Variants in SPNS2 observed in about 807,000 individuals in gnomAD.
The protein encoded by SPNS2 is sphingosine-1-phosphate transporter SPNS2.
Under a neutral mutation model 57.6 loss-of-function variants are expected in SPNS2, and 37 were observed. The ratio of observed to expected loss-of-function variants is 0.64; its 90% CI spans 0.49 to 0.85. The LOEUF (loss-of-function observed/expected upper bound fraction) is 0.85. SPNS2 is among the 40% of genes least tolerant of loss of function. The pLI, the probability that SPNS2 is intolerant of heterozygous loss-of-function variation, is 0.00. For synonymous variants in SPNS2, 440 were observed against 346.9 expected (o/e 1.27, Z -2.98); for missense variants, 831 against 779.1 (o/e 1.07, Z -0.79).
chr17:4,515,537 T>A (rs1904962605), intron 2 of SPNS2, among the ~76,000 whole-genome samples: 1 of 152,164 alleles, frequency 6.6e-6, no homozygotes, highest in South Asian at 2.1e-4. Context: ...CCCTCACCTG[T>A]CACCTACCCC....
intron 2 of SPNS2, among the ~76,000 whole-genome samples, chr17:4,519,557 C>T (rs1296697441): frequency 1.8e-5 from 2 of 108,810 alleles, no homozygotes; most frequent in Non-Finnish European, 2.0e-5. Flanking sequence ...GCCCGCTCGG[C>T]CCTGGCTCCC....
intron 2 of SPNS2, among the ~76,000 whole-genome samples, chr17:4,516,333 A>ACAAAC (rs1243287232): frequency 1.2e-4 from 15 of 126,076 alleles, no homozygotes; most frequent in Non-Finnish European, 1.8e-4. Context: ...AAAAAAAAAA[A>ACAAAC]AAAAAAAAAA....
rs907813863 is a variant in SPNS2, at chr17:4,537,565, A to T, written c.*117A>T. 4.4e-6 allele frequency: 2 copies of T among 456,718 alleles called. No individual in the cohort carries two copies. The highest frequency in any genetic ancestry group is 2.3e-5 in the Admixed American group (1 of 42,586). The allele number at this position is 456,718 out of a possible 1,614,324, so 28.3% of individuals were successfully genotyped here. A position where few individuals can be genotyped will look rare whatever the true frequency, so the allele number is the denominator to read the frequency against. ...CTTTCTGTGTGATCCACGGCTAGGC[A>T]CCCACCCTCTCTGGCCCAGGCCTGC... On this transcript the variant is annotated 3_prime_UTR_variant, in exon 13 of 13. Coordinates refer to ENST00000329078, the MANE Select transcript of SPNS2 (RefSeq NM_001124758.3).
intron 2 of SPNS2, among the ~76,000 whole-genome samples, chr17:4,516,169 C>T (rs373312135): frequency 8.9e-4 from 136 of 152,042 alleles, no homozygotes; most frequent in African/African-American, 3.1e-3. Context: ...CAAAAATTAG[C>T]CAGGTGTGGT....
In SPNS2 at chr17:4,538,838, C is replaced by T; in HGVS notation, c.*1390C>T. On this transcript the variant is annotated 3_prime_UTR_variant, in exon 13 of 13. Transcript: ENST00000329078. ...GGCATCCTCCAAAGACCAGCCTCCA[C>T]CCCCACTCCAGCCTCAGCGGGGCCC... The T allele has an allele frequency of 1.3e-6, 1 of 777,856 alleles. No homozygotes were observed. The highest frequency in any genetic ancestry group is 2.4e-6 in the Non-Finnish European group (1 of 416,668). The allele number at this position is 777,856 out of a possible 1,614,324, so 48.2% of individuals were successfully genotyped here. A position where few individuals can be genotyped will look rare whatever the true frequency, so the allele number is the denominator to read the frequency against.
intron 2 of SPNS2, among the ~76,000 whole-genome samples, chr17:4,518,505 A>G (rs1179397715): frequency 6.6e-6 from 1 of 152,262 alleles, no homozygotes; most frequent in Admixed American, 6.5e-5. Flanking sequence ...CCTGGGCGAC[A>G]GAGCGAGACT....
intron 9 of SPNS2, 34 bp from the exon 10 acceptor site, chr17:4,536,042 C>T (rs1412046621): frequency 1.3e-6 from 2 of 1,593,506 alleles, no homozygotes; most frequent in East Asian, 2.2e-5. Context: ...GAGCCTTTCT[C>T]CTCTGGCCGC....
At chr17:4,536,634 A>G in intron 11 of SPNS2, 1 of 705,016 alleles carries the variant, frequency 1.4e-6, no homozygotes, top group East Asian at 2.7e-5. Flanking sequence ...TGGTGGATCC[A>G]GACTTGGGTT....
intron 2 of SPNS2, among the ~76,000 whole-genome samples, chr17:4,519,719 C>T (rs996609945): frequency 6.9e-6 from 1 of 144,860 alleles, no homozygotes; most frequent in Non-Finnish European, 1.5e-5. Context: ...ACAAAGACCA[C>T]GGGATTGCGG....
intron 3 of SPNS2, among the ~76,000 whole-genome samples, chr17:4,527,168 C>T (rs1192265516): frequency 6.6e-6 from 1 of 152,250 alleles, no homozygotes; most frequent in African/African-American, 2.4e-5. Context: ...ATTTGCATCC[C>T]ATAGGGGTTT....
Position 4,512,874 on chromosome 17 carries a change from G to A in SPNS2, c.371-373G>A, listed in dbSNP as rs1904879345. ...GGCCCCCGCTGCTCTCTGAGTCATGGGCTTTGTGTTCCCCCTGAGGGAAAG... is the reference window on the plus strand; with the variant it reads ...GGCCCCCGCTGCTCTCTGAGTCATGAGCTTTGTGTTCCCCCTGAGGGAAAG... On this transcript the variant is annotated intron_variant, in intron 1 of 12. Transcript: ENST00000329078. The surrounding 1 kb of genome is among the most constrained non-coding windows in gnomAD (Gnocchi z 5.2). 6.6e-6 allele frequency among the ~76,000 whole-genome samples: 1 copy of A among 152,192 alleles called. No homozygotes were observed. The highest frequency in any genetic ancestry group is 2.4e-5 in the African/African-American group (1 of 41,448).
At chr17:4,535,051 C>T (rs1027767111) in intron 9 of SPNS2, among the ~76,000 whole-genome samples, 1 of 152,218 alleles carries the variant, frequency 6.6e-6, no homozygotes, top group African/African-American at 2.4e-5. Context: ...CCCGTGGGTG[C>T]TGGTTGCTTG....
Position 4,536,910 on chromosome 17 carries a change from C to T in SPNS2, c.1618C>T (p.Leu540=). 6.2e-7 allele frequency: 1 copy of T among 1,613,450 alleles called. No homozygotes were observed. The highest frequency in any genetic ancestry group is 8.5e-7 in the Non-Finnish European group (1 of 1,179,688). ...RARAEQQVNQ[L]AMPPASVKV is the part of the protein sequence containing the mutation. ...CCGTCTCTCCCCCAGGGTGAACCAGCTGGCGATGCCGCCCGCATCTGTGAA... is the reference window on the plus strand; with the variant it reads ...CCGTCTCTCCCCCAGGGTGAACCAGTTGGCGATGCCGCCCGCATCTGTGAA... Residue 540 remains leucine (L), a synonymous_variant, in exon 12 of 13, where the codon CTG becomes TTG. Transcript: ENST00000329078.
In SPNS2 at chr17:4,499,411, G is replaced by T. The variant is rs1400387645; in HGVS notation, c.364G>T (p.Val122Leu). 4 of 1,334,978 alleles carry T rather than the reference G, an allele frequency of 3.0e-6. No homozygotes were observed. Among genetic ancestry groups the T allele is most frequent in the Middle Eastern group, 2.1e-4 (1 of 4,848 alleles). The allele number at this position is 1,334,978 out of a possible 1,614,324, so 82.7% of individuals were successfully genotyped here. ...NVLNYLDRYT[V>L]AGVLLDIQQH... ...GCTCAACTACCTGGACAGGTACACCGTGGCAGGTGAGCGAGTGCCCCACCC... is the reference window on the plus strand; with the variant it reads ...GCTCAACTACCTGGACAGGTACACCTTGGCAGGTGAGCGAGTGCCCCACCC... Residue 122 changes from valine to leucine, a missense_variant, in exon 1 of 13, where the codon GTG (valine) becomes TTG (leucine). Transcript: ENST00000329078. The surrounding 1 kb of genome is among the most constrained non-coding windows in gnomAD (Gnocchi z 5.2).
intron 11 of SPNS2, 86 bp downstream of exon 11, chr17:4,536,512 CGG>C (rs974837678): frequency 7.3e-7 from 1 of 1,367,264 alleles, no homozygotes; most frequent in African/African-American, 1.4e-5. Flanking sequence ...TGGGGTGGGG[CGG>C]GGAGGGTACA....
At position 4,511,361 on chromosome 17, in the gene SPNS2, G is replaced by A. The variant is rs945189786; in HGVS notation, c.371-1886G>A. ...CAGAATAGAAGAGGAAGTGTGCAGAGTCAGGGGGCCATGAGTAGTTTGGGG... is the reference window on the plus strand; with the variant it reads ...CAGAATAGAAGAGGAAGTGTGCAGAATCAGGGGGCCATGAGTAGTTTGGGG... On this transcript the variant is annotated intron_variant, in intron 1 of 12. Transcript: ENST00000329078. The surrounding 1 kb of genome is among the most constrained non-coding windows in gnomAD (Gnocchi z 4.6). Among the ~76,000 whole-genome samples the A allele has an allele frequency of 1.3e-5, 2 of 152,248 alleles. No individual in the cohort carries two copies. The highest frequency in any genetic ancestry group is 2.9e-5 in the Non-Finnish European group (2 of 68,042).
Position 4,536,243 on chromosome 17 carries a change from C to T in SPNS2, c.1444-20C>T. The T allele has an allele frequency of 6.2e-7, 1 of 1,609,978 alleles. No homozygotes were observed. Among genetic ancestry groups the T allele is most frequent in the Non-Finnish European group, 8.5e-7 (1 of 1,178,682 alleles). On this transcript the variant is annotated intron_variant, in intron 10 of 12. Transcript: ENST00000329078. ...CTGCAGGAGGGCTCTGCCCTGACAT[C>T]CACCCCCAAATCCTCGCAGATCTCA...
chr17:4,535,022 C>T (rs557565909), intron 9 of SPNS2, among the ~76,000 whole-genome samples: 2 of 152,342 alleles, frequency 1.3e-5, no homozygotes, highest in Admixed American at 1.3e-4. Flanking sequence ...CGCCCCCCAC[C>T]TCTCCCGCAA....
At chr17:4,537,231 C>T (rs563615994) in intron 12 of SPNS2, among the ~76,000 whole-genome samples, 22 of 152,192 alleles carry the variant, frequency 1.4e-4, no homozygotes, top group Admixed American at 7.2e-4. Flanking sequence ...TCACTCTGTC[C>T]GGACTTCTGT....
Sources: gnomAD v4.1 joint callset for allele counts (sites outside exome capture counted in the v4.1 genomes callset) on GRCh38, gnomAD v4.1.1 for gene constraint, Gnocchi (gnomAD v3.1) non-coding constraint, MANE v1.5 for transcripts, NCBI Gene and HGNC (gene_info 2026-07-23, HGNC 2026-07-21) for gene names.